Variants in DSCAML1 observed in about 807,000 individuals in gnomAD.
DSCAML1 encodes the protein DS cell adhesion molecule like 1.
DSCAML1 carries 38 observed loss-of-function variants against 200.5 expected under a neutral mutation model. The ratio of observed to expected loss-of-function variants is 0.19; its 90% CI spans 0.15 to 0.25. DSCAML1 has a LOEUF of 0.25. DSCAML1 is among the 10% of genes least tolerant of loss of function. DSCAML1 has a pLI of 1.00. For synonymous variants in DSCAML1, 1,215 were observed against 1,165.0 expected, an observed-to-expected ratio of 1.04 and a Z score of -0.87; for missense variants, 2,223 against 2,858.8, an observed-to-expected ratio of 0.78 and a Z score of 5.07.
At chr11:117,771,315 A>T (rs10892171) in intron 3 of DSCAML1, among the ~76,000 whole-genome samples, 95,774 of 152,160 alleles carry the variant, frequency 0.63, 32,891 homozygotes, top group East Asian at 0.82. Context: ...CAGAGCCGAC[A>T]ACATGAGCTG....
intron 3 of DSCAML1, among the ~76,000 whole-genome samples, chr11:117,770,723 C>T (rs939046128): frequency 2.6e-5 from 4 of 151,758 alleles, no homozygotes; most frequent in East Asian, 1.9e-4. Context: ...AGCAAGGAAC[C>T]GATAAAGTTT....
intron 3 of DSCAML1, among the ~76,000 whole-genome samples, chr11:117,763,862 T>A (rs986554700): frequency 3.3e-5 from 5 of 152,120 alleles, no homozygotes; most frequent in African/African-American, 1.2e-4. Context: ...CACTCTCCCC[T>A]GCAGGAGCTC....
At chr11:117,562,578 G>A (rs1336518193) in intron 3 of DSCAML1, among the ~76,000 whole-genome samples, 3 of 152,244 alleles carry the variant, frequency 2.0e-5, no homozygotes, top group Admixed American at 1.3e-4. Context: ...AAAGAAGCAT[G>A]AGTCACCAGA....
chr11:117,594,484 CTG>C, intron 3 of DSCAML1, among the ~76,000 whole-genome samples: 1 of 152,374 alleles, frequency 6.6e-6, no homozygotes. Context: ...GCACGCACAC[CTG>C]TGTGAGTCTC....
chr11:117,516,842 G>T lies in DSCAML1; in HGVS notation c.1511-103C>A. 1.5e-5 allele frequency: 21 copies of T among 1,411,246 alleles called. 1 individual carries two copies. In the South Asian group the frequency reaches 3.0e-4, roughly 20 times the overall value. 87.4% of individuals were successfully genotyped at this position (1,411,246 alleles called of 1,614,324 possible). On this transcript the variant is annotated intron_variant, in intron 7 of 32. Coordinates refer to ENST00000651296, the MANE Select transcript of DSCAML1 (RefSeq NM_020693.4). This position sits in a 1 kb window ranked among gnomAD's most constrained non-coding sequence, Gnocchi z 5.7. ...CTGCGGTGCTCTTCTCAGGCACTCG[G>T]CCCCTGAGACTTTCGGGGGCGGACA...
intron 3 of DSCAML1, among the ~76,000 whole-genome samples, chr11:117,693,363 T>C (rs2053531502): frequency 6.6e-6 from 1 of 152,244 alleles, no homozygotes; most frequent in Non-Finnish European, 1.5e-5. Flanking sequence ...GGATCTTGAT[T>C]CTGGAGTCCC....
intron 3 of DSCAML1, among the ~76,000 whole-genome samples, chr11:117,740,823 T>G (rs1410346685): frequency 6.6e-6 from 1 of 152,220 alleles, no homozygotes; most frequent in African/African-American, 2.4e-5. Flanking sequence ...TGCTGCACAC[T>G]CGCATCTCCA....
At chr11:117,444,485 G>T (rs572194011) in intron 20 of DSCAML1, among the ~76,000 whole-genome samples, 2 of 152,112 alleles carry the variant, frequency 1.3e-5, no homozygotes, top group Admixed American at 6.5e-5. Flanking sequence ...TCTGGCTCCC[G>T]TCACCTCCTA....
chr11:117,817,170 T>C (rs1454873421), intron 1 of DSCAML1, among the ~76,000 whole-genome samples: 1 of 152,146 alleles, frequency 6.6e-6, no homozygotes, highest in Non-Finnish European at 1.5e-5. Context: ...ATGGGTGCTG[T>C]GAGGAAGGCC....
chr11:117,635,309 C>T (rs981519916), intron 3 of DSCAML1, among the ~76,000 whole-genome samples: 2 of 152,160 alleles, frequency 1.3e-5, no homozygotes, highest in Non-Finnish European at 2.9e-5. Flanking sequence ...TTCAGTTTTA[C>T]CATTTCATCC....
chr11:117,476,467 C>T (rs1295201686), intron 14 of DSCAML1, among the ~76,000 whole-genome samples: 1 of 152,198 alleles, frequency 6.6e-6, no homozygotes, highest in Admixed American at 6.5e-5. Context: ...AACACCAGTC[C>T]CTCTGACAGC....
intron 11 of DSCAML1, among the ~76,000 whole-genome samples, chr11:117,487,371 C>T (rs1295739431): frequency 2.0e-5 from 3 of 152,082 alleles, no homozygotes; most frequent in Non-Finnish European, 2.9e-5. Flanking sequence ...ATTTGGCTCA[C>T]GTTATGGTTC....
At chr11:117,740,311 A>G (rs1351466793) in intron 3 of DSCAML1, among the ~76,000 whole-genome samples, 1 of 152,090 alleles carries the variant, frequency 6.6e-6, no homozygotes, top group Non-Finnish European at 1.5e-5. Flanking sequence ...GGTAATTTGG[A>G]CCTTGGTCTG....
In DSCAML1 at chr11:117,430,741, G is replaced by A; in HGVS notation, c.5667C>T (p.Ile1889=). 1 of 1,613,234 alleles carries A rather than the reference G, an allele frequency of 6.2e-7. No individual in the cohort carries two copies. The highest frequency in any genetic ancestry group is 8.5e-7 in the Non-Finnish European group (1 of 1,179,644). The change falls in exon 32 of 33, where the codon ATC becomes ATT. Residue 1889 remains isoleucine (I), a synonymous_variant. Transcript: ENST00000651296. ...ACTCACTCTTGTTGGCCCGGTGAGG[G>A]ATGGGCACAGCCACGTTTTTGCCCC... is the stretch of plus-strand genomic sequence containing the variant. The part of the protein sequence containing the change: ...ADRGKNVAVP[I]PHRANKSDYC...
intron 3 of DSCAML1, among the ~76,000 whole-genome samples, chr11:117,671,886 C>A (rs1461390412): frequency 6.6e-6 from 1 of 151,524 alleles, no homozygotes; most frequent in African/African-American, 2.4e-5. Context: ...CCGAGGCGGG[C>A]GGATTACCTG....
intron 3 of DSCAML1, among the ~76,000 whole-genome samples, chr11:117,774,891 G>A (rs1010112534): frequency 2.0e-5 from 3 of 152,148 alleles, no homozygotes; most frequent in East Asian, 1.9e-4. Context: ...ACACATTTAC[G>A]GACTTTTTGT....
intron 3 of DSCAML1, among the ~76,000 whole-genome samples, chr11:117,640,165 C>T (rs747341406): frequency 9.9e-5 from 15 of 152,190 alleles, no homozygotes; most frequent in Non-Finnish European, 1.9e-4. Context: ...GGAAGCAGCA[C>T]TCTCCTTCCT....
At chr11:117,487,173 C>G (rs1207041162) in intron 11 of DSCAML1, among the ~76,000 whole-genome samples, 3 of 151,992 alleles carry the variant, frequency 2.0e-5, no homozygotes, top group Non-Finnish European at 4.4e-5. Context: ...GATCCACCCG[C>G]CTCAGCCTCC....
rs140170178 is a variant in DSCAML1 at position 117,428,361 on chromosome 11, G to A, written c.6129C>T (p.Ala2043=). 4.5e-5 allele frequency: 72 copies of A among 1,584,016 alleles called. No individual in the cohort carries two copies. Among genetic ancestry groups the A allele is most frequent in the African/African-American group, 2.2e-4 (16 of 73,390 alleles). ...SGVGRSQKQG[A]GAYSKSYTLV The stretch of plus-strand genomic sequence containing the variant: ...GGGTGTAGGATTTGGAGTAGGCCCC[G>A]GCCCCCTGCTTCTGAGACCTCCCTA... The change falls in exon 33 of 33, where the codon GCC becomes GCT. Residue 2043 remains alanine, a synonymous_variant. Transcript: ENST00000651296.
Sources: gnomAD v4.1 joint callset for allele counts (sites outside exome capture counted in the v4.1 genomes callset) on GRCh38, gnomAD v4.1.1 for gene constraint, Gnocchi (gnomAD v3.1) non-coding constraint, MANE v1.5 for transcripts, NCBI Gene and HGNC (gene_info 2026-07-23, HGNC 2026-07-21) for gene names.